The following STAU2 variants were observed in gnomAD, a reference collection of about 807,000 sequenced individuals.
STAU2 encodes staufen double-stranded RNA binding protein 2.
A neutral mutation model predicts 65.9 loss-of-function variants in STAU2; 20 were observed. The observed-to-expected ratio is 0.30, with a 90% CI of 0.21 to 0.44. STAU2 has a LOEUF of 0.44. Among genes scored for constraint, STAU2 ranks in the 20% least tolerant of loss-of-function variants. The pLI is 1.00. For missense variants in STAU2, 558 were observed against 683.9 expected (o/e 0.82, Z 2.05); for synonymous variants, 232 against 233.9 (o/e 0.99, Z 0.07).
intron 13 of STAU2, among the ~76,000 whole-genome samples, chr8:73,530,065 C>T (rs1302244475): frequency 1.3e-5 from 2 of 152,116 alleles, no homozygotes; most frequent in Non-Finnish European, 2.9e-5. Flanking sequence ...ATATTATCAT[C>T]TTGACTGCGA....
chr8:73,500,402 T>C (rs2128919661), intron 13 of STAU2, among the ~76,000 whole-genome samples: 1 of 152,064 alleles, frequency 6.6e-6, no homozygotes, highest in African/African-American at 2.4e-5. Context: ...GAATTTTTTT[T>C]TTCCAATTAT....
chr8:73,465,940 C>T (rs1397131304), intron 13 of STAU2, among the ~76,000 whole-genome samples: 5 of 152,158 alleles, frequency 3.3e-5, no homozygotes, highest in Admixed American at 6.5e-5. Context: ...CTCAACCTCC[C>T]GAGTACCTGG....
At chr8:73,479,906 T>C (rs1163225349) in intron 13 of STAU2, among the ~76,000 whole-genome samples, 1 of 152,052 alleles carries the variant, frequency 6.6e-6, no homozygotes, top group South Asian at 2.1e-4. Context: ...CACTGTCAGA[T>C]GCATCTTTCC....
At chr8:73,576,486 C>T (rs1435142679) in intron 12 of STAU2, among the ~76,000 whole-genome samples, 4 of 151,196 alleles carry the variant, frequency 2.6e-5, no homozygotes, top group East Asian at 1.9e-4. Context: ...AAGGGTGGGG[C>T]GACTACATAT....
At chr8:73,605,842 T>TACACACACACACACACAC (rs1176899097) in intron 9 of STAU2, among the ~76,000 whole-genome samples, 6 of 118,322 alleles carry the variant, frequency 5.1e-5, no homozygotes, top group African/African-American at 1.9e-4. Flanking sequence ...CACATACACA[T>TACACACACACACACACAC]ACACACACAC....
At chr8:73,595,417 G>C in intron 10 of STAU2, 120 bp from the exon 11 acceptor site, 1 of 897,944 alleles carries the variant, frequency 1.1e-6, no homozygotes, top group Non-Finnish European at 1.6e-6. Context: ...TCAGTCCAAA[G>C]TAAAAATGGC....
At chr8:73,599,177 A>T (rs1466589611) in intron 10 of STAU2, among the ~76,000 whole-genome samples, 1 of 152,244 alleles carries the variant, frequency 6.6e-6, no homozygotes, top group Non-Finnish European at 1.5e-5. Flanking sequence ...TGCTAAGAAC[A>T]GCCAAAATCC....
At chr8:73,485,602 G>A (rs1820874384) in intron 13 of STAU2, among the ~76,000 whole-genome samples, 1 of 152,036 alleles carries the variant, frequency 6.6e-6, no homozygotes, top group South Asian at 2.1e-4. Context: ...CGTAATCTCA[G>A]CACTTTGGGA....
Position 73,595,141 on chromosome 8 carries a change from ACATACATGTAAAC to A in STAU2, c.1161+12_1161+24del. On this transcript the variant is annotated intron_variant, in intron 11 of 14. Transcript: ENST00000524300. ...ACTTTGATATTATGACAGATAGGAT[ACATACATGTAAAC>A]TTAACTCTTACCTTCTCAAGTTGAT... is the stretch of plus-strand genomic sequence containing the variant. 1 of 1,566,850 alleles carries A rather than the reference ACATACATGTAAAC, an allele frequency of 6.4e-7. No homozygotes were observed.
intron 6 of STAU2, among the ~76,000 whole-genome samples, chr8:73,641,874 G>A (rs1442486887): frequency 6.6e-6 from 1 of 152,170 alleles, no homozygotes; most frequent in African/African-American, 2.4e-5. Flanking sequence ...CTAATTCTAA[G>A]TGGTAATTTT....
intron 12 of STAU2, among the ~76,000 whole-genome samples, chr8:73,575,954 T>A (rs1809515627): frequency 6.6e-6 from 1 of 151,954 alleles, no homozygotes; most frequent in Admixed American, 6.5e-5. Context: ...AAATGAAAAA[T>A]AAAATTAATG....
chr8:73,746,876 G>T, upstream of STAU2: 1 of 1,181,722 alleles, frequency 8.5e-7, no homozygotes, highest in Non-Finnish European at 1.0e-6. Context: ...CCACCCCTCG[G>T]GCTCCCCGCC....
At chr8:73,634,447 G>A (rs1814340718) in intron 6 of STAU2, among the ~76,000 whole-genome samples, 1 of 152,060 alleles carries the variant, frequency 6.6e-6, no homozygotes. Flanking sequence ...AGAATCATTT[G>A]AACCTGGGAG....
chr8:73,735,131 A>G (rs1806343060), intron 3 of STAU2, among the ~76,000 whole-genome samples: 1 of 152,138 alleles, frequency 6.6e-6, no homozygotes, highest in East Asian at 1.9e-4. Context: ...GGGTCCTACT[A>G]TGTTGCCCAA....
rs141029980 is a variant in STAU2, at chr8:73,490,542, G to A, written c.1530+61470C>T. 3.3e-5 allele frequency among the ~76,000 whole-genome samples: 5 copies of A among 152,096 alleles called. No individual in the cohort carries two copies. In the East Asian group the frequency reaches 9.7e-4, roughly 29 times the overall value. ...TTAGCTCAATCCATGTTGAGAAAAC[G>A]TAGCAGTTCTCATGTTTTAACTCTG... is the stretch of plus-strand genomic sequence containing the variant. On this transcript the variant is annotated intron_variant, in intron 13 of 14. Transcript: ENST00000524300.
At chr8:73,538,218 T>C (rs2128936383) in intron 13 of STAU2, among the ~76,000 whole-genome samples, 1 of 152,326 alleles carries the variant, frequency 6.6e-6, no homozygotes, top group Non-Finnish European at 1.5e-5. Context: ...TTAAGAGTTT[T>C]ATATCATTTT....
Position 73,611,669 on chromosome 8 carries a change from T to G in STAU2, c.891+2075A>C, listed in dbSNP as rs1812475299. Among the ~76,000 whole-genome samples the G allele has an allele frequency of 2.0e-5, 3 of 149,982 alleles. No homozygotes were observed. In the Admixed American group the frequency reaches 2.0e-4, roughly 10 times the overall value. ...AACAGTTTATTATGATGATTATTAT[T>G]ATGATTATTATTATTATTATCATTT... On this transcript the variant is annotated intron_variant, in intron 9 of 14. Transcript: ENST00000524300.
chr8:73,431,313 C>G lies in STAU2; in HGVS notation c.1531-8611G>C, dbSNP rs1035408844. On this transcript the variant is annotated intron_variant, in intron 13 of 14. Coordinates refer to ENST00000524300, the MANE Select transcript of STAU2 (RefSeq NM_001164380.2). Reference sequence around the variant, plus strand: ...CTTGTATTTTACCACAGCCTACTAACTGGAATCTTAAACTCAGCTTTATGA... The same window carrying G: ...CTTGTATTTTACCACAGCCTACTAAGTGGAATCTTAAACTCAGCTTTATGA... 5.3e-5 allele frequency among the ~76,000 whole-genome samples: 8 copies of G among 151,992 alleles called. 1 individual carries two copies. The highest frequency in any genetic ancestry group is 1.9e-4 in the African/African-American group (8 of 41,320).
chr8:73,554,538 C>T (rs911005956), intron 12 of STAU2, among the ~76,000 whole-genome samples: 30 of 152,168 alleles, frequency 2.0e-4, no homozygotes, highest in Non-Finnish European at 2.1e-4. Context: ...GATTGTATGG[C>T]CCTGCACTGT....
Sources: allele counts gnomAD v4.1 joint callset (sites outside exome capture counted in the v4.1 genomes callset), GRCh38; gene constraint gnomAD v4.1.1; transcripts MANE v1.5; gene names NCBI Gene and HGNC (gene_info 2026-07-23, HGNC 2026-07-21).